Variants in METTL24 observed in about 807,000 individuals in gnomAD.
METTL24 encodes the protein probable methyltransferase-like protein 24.
In METTL24, 29 loss-of-function variants were observed where a neutral mutation model predicts 32.7. The ratio of observed to expected loss-of-function variants is 0.89; its 90% CI spans 0.66 to 1.21. The LOEUF (loss-of-function observed/expected upper bound fraction) is 1.21, where lower values mean the gene tolerates loss of function less well. METTL24 is among the 50% of genes most tolerant of loss of function. The pLI is 0.00. For synonymous variants in METTL24, 163 were observed against 179.5 expected (o/e 0.91, Z 0.73); for missense variants, 439 against 468.1 (o/e 0.94, Z 0.57).
chr6:110,259,300 C>T (rs778066951), intron 4 of METTL24, among the ~76,000 whole-genome samples: 5 of 152,206 alleles, frequency 3.3e-5, no homozygotes, highest in Admixed American at 6.5e-5. Flanking sequence ...TCTTAGCAAA[C>T]GGCACACCAG....
rs1034858211 is a variant in METTL24 at position 110,345,006 on chromosome 6, T to C, written c.318+12949A>G. On this transcript the variant is annotated intron_variant, in intron 1 of 4. Coordinates refer to ENST00000338882, the MANE Select transcript of METTL24 (RefSeq NM_001123364.3). Reference sequence around the variant, plus strand: ...GAGTTAGCAAACAACCTGTAGTGGATGGGAGAAAATGCCTGCAAACTGTGC... The same window carrying C: ...GAGTTAGCAAACAACCTGTAGTGGACGGGAGAAAATGCCTGCAAACTGTGC... 2.3e-4 allele frequency among the ~76,000 whole-genome samples: 35 copies of C among 152,136 alleles called. 1 individual carries two copies.
At position 110,275,624 on chromosome 6, in the gene METTL24, T is replaced by C. The variant is rs1771034062; in HGVS notation, c.786+23298A>G. Among the ~76,000 whole-genome samples, 8 of 152,184 alleles carry C rather than the reference T, an allele frequency of 5.3e-5. No homozygotes were observed. The South Asian group carries it at 1.7e-3, about 32-fold the overall frequency. On this transcript the variant is annotated intron_variant, in intron 4 of 4. Coordinates refer to ENST00000338882, the MANE Select transcript of METTL24 (RefSeq NM_001123364.3). ...TCTCCTCCTAGAGACCATGATGTCT[T>C]TTTGGGCAAGGACCTTCAGCATGCA... is the stretch of plus-strand genomic sequence containing the variant.
chr6:110,341,369 T>C (rs1322791203), intron 1 of METTL24, among the ~76,000 whole-genome samples: 1 of 152,204 alleles, frequency 6.6e-6, no homozygotes, highest in East Asian at 1.9e-4. Context: ...GCATTTCAAT[T>C]TCAAAACTGA....
intron 2 of METTL24, among the ~76,000 whole-genome samples, chr6:110,320,877 A>C (rs1192273234): frequency 6.6e-6 from 1 of 152,158 alleles, no homozygotes; most frequent in African/African-American, 2.4e-5. Context: ...GATCAGAACA[A>C]GGAGAGCCAG....
chr6:110,271,525 G>T (rs1770958216), intron 4 of METTL24, among the ~76,000 whole-genome samples: 1 of 152,044 alleles, frequency 6.6e-6, no homozygotes, highest in Middle Eastern at 3.4e-3. Context: ...GATGAATAAG[G>T]TTATATTAAT....
rs754038696 is a variant in METTL24 at position 110,322,801 on chromosome 6, C to A, written c.390G>T (p.Arg130Ser). The A allele has an allele frequency of 3.1e-6, 5 of 1,613,828 alleles. No homozygotes were observed. The South Asian group carries it at 3.3e-5, about 11-fold the overall frequency. ...SAQSLDEEAW[R>S]FLRYISTTQI... ...GGGTGGTGCTGATATATCTCAGGAA[C>A]CTCCAGGCTTCTTCATCCAGGGACT... The change falls in exon 2 of 5, where the codon AGG becomes AGT. Residue 130 changes from arginine (R) to serine (S), a missense_variant. Physicochemically the swap from Arg to Ser is moderately radical, Grantham distance 110 (BLOSUM62 -1). Transcript: ENST00000338882.
At chr6:110,314,207 A>C (rs1421525625) in intron 3 of METTL24, among the ~76,000 whole-genome samples, 3 of 152,152 alleles carry the variant, frequency 2.0e-5, no homozygotes, top group African/African-American at 7.2e-5. Context: ...CATGGAAACG[A>C]TCGATGTCAC....
At chr6:110,314,357 A>G (rs1771778547) in intron 3 of METTL24, among the ~76,000 whole-genome samples, 2 of 152,150 alleles carry the variant, frequency 1.3e-5, no homozygotes, top group East Asian at 1.9e-4. Context: ...TAAGCCATAT[A>G]TCATTCGTAA....
intron 4 of METTL24, 81 bp from the exon 5 acceptor site, chr6:110,246,341 T>C (rs1232532225): frequency 1.6e-6 from 2 of 1,262,578 alleles, no homozygotes; most frequent in Non-Finnish European, 2.2e-6. Context: ...TAGCTACCTC[T>C]GAAGGAAACA....
chr6:110,294,059 G>A (rs1321718892), intron 4 of METTL24, among the ~76,000 whole-genome samples: 1 of 151,764 alleles, frequency 6.6e-6, no homozygotes. Flanking sequence ...ACATACAAAT[G>A]GATTAAACTC....
intron 1 of METTL24, among the ~76,000 whole-genome samples, chr6:110,350,665 T>G (rs1772578084): frequency 6.6e-6 from 1 of 151,840 alleles, no homozygotes; most frequent in African/African-American, 2.4e-5. Flanking sequence ...GTGACTCACA[T>G]CTGTAATCCC....
Position 110,300,196 on chromosome 6 carries a change from C to T in METTL24, c.558-1046G>A, listed in dbSNP as rs537143121. ...TGCAGGAGCCTACTGATATGAAGGG[C>T]GAATGTTTTGTATCTGTGAGTTCCA... On this transcript the variant is annotated intron_variant, in intron 3 of 4. Transcript: ENST00000338882. Among the ~76,000 whole-genome samples, 10 of 152,026 alleles carry T rather than the reference C, an allele frequency of 6.6e-5. No individual in the cohort carries two copies. In the East Asian group the frequency reaches 1.4e-3, roughly 21 times the overall value.
At chr6:110,326,223 G>C (rs1772013919) in intron 1 of METTL24, among the ~76,000 whole-genome samples, 1 of 152,202 alleles carries the variant, frequency 6.6e-6, no homozygotes, top group African/African-American at 2.4e-5. Flanking sequence ...TACACAGAGA[G>C]ACCAAGAGGA....
At chr6:110,247,104 CA>C (rs1179019300) in intron 4 of METTL24, among the ~76,000 whole-genome samples, 3 of 152,144 alleles carry the variant, frequency 2.0e-5, no homozygotes, top group Non-Finnish European at 4.4e-5. Context: ...GCTGCCTGTG[CA>C]AAAAATCCGT....
At chr6:110,287,085 C>A (rs1771235187) in intron 4 of METTL24, among the ~76,000 whole-genome samples, 1 of 152,192 alleles carries the variant, frequency 6.6e-6, no homozygotes, top group Non-Finnish European at 1.5e-5. Context: ...GTAGTTAATT[C>A]TGTCATCAGA....
At chr6:110,296,568 T>C (rs771872436) in intron 4 of METTL24, among the ~76,000 whole-genome samples, 7 of 152,260 alleles carry the variant, frequency 4.6e-5, no homozygotes, top group Non-Finnish European at 7.3e-5. Context: ...TCTGTCACTA[T>C]CTCAGAATAC....
intron 4 of METTL24, among the ~76,000 whole-genome samples, chr6:110,263,327 C>T (rs931008452): frequency 1.3e-5 from 2 of 152,088 alleles, no homozygotes; most frequent in Non-Finnish European, 2.9e-5. Flanking sequence ...ACACCAATAA[C>T]AGACAAACAG....
intron 3 of METTL24, among the ~76,000 whole-genome samples, chr6:110,303,133 G>A (rs1488285729): frequency 6.6e-6 from 1 of 152,156 alleles, no homozygotes; most frequent in Non-Finnish European, 1.5e-5. Flanking sequence ...TTCCAGCCCG[G>A]ATACTACGCT....
intron 3 of METTL24, among the ~76,000 whole-genome samples, chr6:110,306,198 C>T (rs987655129): frequency 6.6e-6 from 1 of 151,890 alleles, no homozygotes; most frequent in Non-Finnish European, 1.5e-5. Context: ...GGAGAAATAC[C>T]TAATGTAGAT....
Sources: allele counts gnomAD v4.1 joint callset (sites outside exome capture counted in the v4.1 genomes callset), GRCh38; gene constraint gnomAD v4.1.1; transcripts MANE v1.5; gene names NCBI Gene and HGNC (gene_info 2026-07-23, HGNC 2026-07-21).